ALDH3B2: variants seen among roughly 807,000 people sequenced by gnomAD.
ALDH3B2 encodes the protein aldehyde dehydrogenase 3 family member B2.
A neutral mutation model predicts 36.7 loss-of-function variants in ALDH3B2; 45 were observed. The observed-to-expected ratio is 1.23, with a 90% CI of 0.97 to 1.57. ALDH3B2 has a LOEUF of 1.57. ALDH3B2 is among the 40% of genes most tolerant of loss of function. The pLI is 0.00. For synonymous variants in ALDH3B2, 217 were observed against 226.5 expected (o/e 0.96, Z 0.38); for missense variants, 464 against 513.3 (o/e 0.90, Z 0.93).
At chr11:67,666,070 T>C in intron 6 of ALDH3B2, 52 bp downstream of exon 6, 1 of 1,448,820 alleles carries the variant, frequency 6.9e-7, no homozygotes, top group Non-Finnish European at 9.6e-7. Context: ...TCCCACCCTC[T>C]CTCCTGATGA....
At chr11:67,665,492 C>T in exon 7 of ALDH3B2, 1 of 1,614,050 alleles carries the variant, frequency 6.2e-7, no homozygotes, top group Non-Finnish European at 8.5e-7. Context: ...AGGACGTAGT[C>T]AGGGGCCACG....
chr11:67,665,739 G>T (rs1855890586), intron 6 of ALDH3B2, 68 bp from the exon 7 acceptor site: 1 of 1,540,918 alleles, frequency 6.5e-7, no homozygotes, highest in African/African-American at 1.4e-5. Flanking sequence ...CCAGCCCAGA[G>T]CCTGCTCCTC....
intron 1 of ALDH3B2, among the ~76,000 whole-genome samples, chr11:67,672,888 G>C (rs987244162): frequency 6.7e-6 from 1 of 148,942 alleles, no homozygotes; most frequent in African/African-American, 2.5e-5. Flanking sequence ...ACCACGCCTG[G>C]CCACAAAATG....
chr11:67,662,499 C>T (rs1855772620), exon 10 of ALDH3B2: 1 of 152,554 alleles, frequency 6.6e-6, no homozygotes, highest in Admixed American at 6.5e-5. Flanking sequence ...TGTGTGAGGG[C>T]TTCTATGTGG....
chr11:67,666,432 G>T, intron 4 of ALDH3B2, 31 bp from the exon 5 acceptor site: 1 of 1,607,356 alleles, frequency 6.2e-7, no homozygotes, highest in Non-Finnish European at 8.5e-7. Context: ...GTCGTTGGGG[G>T]AGCCCAGGGT....
chr11:67,667,245 C>T (rs974189609), intron 2 of ALDH3B2, among the ~76,000 whole-genome samples: 1 of 151,902 alleles, frequency 6.6e-6, no homozygotes, highest in East Asian at 2.0e-4. Context: ...CCTCAGTTTC[C>T]TCATCTGCAA....
intron 1 of ALDH3B2, among the ~76,000 whole-genome samples, chr11:67,673,368 G>A (rs988767669): frequency 6.6e-6 from 1 of 152,120 alleles, no homozygotes; most frequent in African/African-American, 2.4e-5. Context: ...GTCTACACAC[G>A]GAACAATGAC....
Position 67,672,120 on chromosome 11 carries a change from G to A in ALDH3B2, c.-245+2317C>T, listed in dbSNP as rs1173370824. 4.6e-5 allele frequency among the ~76,000 whole-genome samples: 5 copies of A among 108,114 alleles called. No homozygotes were observed. The East Asian group carries it at 1.0e-3, about 22-fold the overall frequency. The allele number at this position is 108,114 out of a possible 152,430, so 70.9% of individuals were successfully genotyped here. A position where few individuals can be genotyped will look rare whatever the true frequency, so the allele number is the denominator to read the frequency against. On this transcript the variant is annotated intron_variant, in intron 1 of 9. Transcript: ENST00000349015. ...ATGTATTTTGTGTGTGTGTGTGTGT[G>A]TGTGTGTGTGTGTGTATATATATAT...
At chr11:67,678,162 A>C (rs889015590), upstream of ALDH3B2, among the ~76,000 whole-genome samples, 1 of 152,212 alleles carries the variant, frequency 6.6e-6, no homozygotes, top group Non-Finnish European at 1.5e-5. Context: ...CAGCAAAAGC[A>C]AGACTAAGCC....
exon 9 of ALDH3B2, chr11:67,663,717 T>G (rs761283003): frequency 1.2e-5 from 20 of 1,612,874 alleles, no homozygotes; most frequent in Non-Finnish European, 1.7e-5. Context: ...CCTCATTGCC[T>G]CCAAAGCTGC....
chr11:67,666,399 T>A, exon 5 of ALDH3B2: 1 of 1,607,180 alleles, frequency 6.2e-7, no homozygotes, highest in East Asian at 2.2e-5. Flanking sequence ...ACCACGCAAC[T>A]CCCTGCAGGG....
At chr11:67,669,230 C>CTG (rs139502073) in intron 1 of ALDH3B2, among the ~76,000 whole-genome samples, 4 of 140,712 alleles carry the variant, frequency 2.8e-5, no homozygotes, top group Admixed American at 1.4e-4. Flanking sequence ...GTATGGGTGT[C>CTG]TGTGTGTGTG....
intron 8 of ALDH3B2, 124 bp downstream of exon 8, chr11:67,664,272 A>C: frequency 1.4e-6 from 2 of 1,457,898 alleles, no homozygotes; most frequent in Non-Finnish European, 1.9e-6. Flanking sequence ...CAGGTGGCCT[A>C]GATATAGTCA....
upstream of ALDH3B2, among the ~76,000 whole-genome samples, chr11:67,676,718 G>A (rs1856280317): frequency 6.6e-6 from 1 of 151,980 alleles, no homozygotes; most frequent in Non-Finnish European, 1.5e-5. Context: ...GATTAACCAA[G>A]AAAAGAAGAG....
chr11:67,670,050 C>G (rs1245828182), intron 1 of ALDH3B2, among the ~76,000 whole-genome samples: 3 of 9,696 alleles, frequency 3.1e-4, no homozygotes, highest in African/African-American at 3.8e-4. Context: ...GTATGGGTGT[C>G]TCTATGTGTA....
exon 10 of ALDH3B2, chr11:67,662,661 T>C (rs1855775519): frequency 1.9e-5 from 3 of 161,322 alleles, no homozygotes; most frequent in South Asian, 1.7e-4. Context: ...AACCCCAGTT[T>C]TCCCAGTGGA....
intron 1 of ALDH3B2, among the ~76,000 whole-genome samples, chr11:67,680,447 G>A (rs763967431): frequency 1.4e-4 from 21 of 152,132 alleles, no homozygotes; most frequent in Admixed American, 4.6e-4. Context: ...TTGAGACAGA[G>A]TATCTATCAC....
chr11:67,681,169 A>G (rs1416843294), intron 1 of ALDH3B2: 1 of 152,312 alleles, frequency 6.6e-6, no homozygotes, highest in Non-Finnish European at 1.5e-5. Context: ...GGTCTCAGGA[A>G]ACTTACAGTT....
At position 67,674,015 on chromosome 11, in the gene ALDH3B2, A is replaced by G. The variant is rs7944424; in HGVS notation, c.-245+422T>C. Among the ~76,000 whole-genome samples the G allele has an allele frequency of 1.7e-3, 260 of 152,324 alleles. 4 individuals are homozygous for G. Among genetic ancestry groups the G allele is most frequent in the African/African-American group, 6.0e-3 (249 of 41,578 alleles). ...GATCCGACTTTCGCTTCAACTGCCAAGAATCTCTCTGCTTCCAATCCCCGA... is the reference window on the plus strand; with the variant it reads ...GATCCGACTTTCGCTTCAACTGCCAGGAATCTCTCTGCTTCCAATCCCCGA... On this transcript the variant is annotated intron_variant, in intron 1 of 9. Coordinates refer to ENST00000349015, the Ensembl canonical transcript of ALDH3B2.
Sources: gnomAD v4.1 joint callset for allele counts (sites outside exome capture counted in the v4.1 genomes callset) on GRCh38, gnomAD v4.1.1 for gene constraint, MANE v1.5 for transcripts, NCBI Gene and HGNC (gene_info 2026-07-23, HGNC 2026-07-21) for gene names.